The following ITGA8 variants were observed in gnomAD, a reference collection of about 807,000 sequenced individuals.
The protein encoded by ITGA8 is integrin alpha-8.
Under a neutral mutation model 142.3 loss-of-function variants are expected in ITGA8, and 91 were observed. That is an observed-to-expected ratio of 0.64 (90% CI 0.54 to 0.76). The LOEUF (loss-of-function observed/expected upper bound fraction) is 0.76, where lower values mean the gene tolerates loss of function less well. ITGA8 is among the 30% of genes least tolerant of loss of function. The pLI, the probability that ITGA8 is intolerant of heterozygous loss-of-function variation, is 0.00. For synonymous variants in ITGA8, 505 were observed against 485.2 expected (o/e 1.04, Z -0.54); for missense variants, 1,406 against 1,327.7 (o/e 1.06, Z -0.92).
chr10:15,686,940 A>G (rs1439416903), intron 3 of ITGA8, among the ~76,000 whole-genome samples: 1 of 152,184 alleles, frequency 6.6e-6, no homozygotes, highest in Non-Finnish European at 1.5e-5. Context: ...TATCCAAAAG[A>G]TTTTTAAAGC....
intron 8 of ITGA8, among the ~76,000 whole-genome samples, chr10:15,664,369 TC>T (rs934323982): frequency 1.3e-5 from 2 of 152,154 alleles, no homozygotes; most frequent in African/African-American, 4.8e-5. Context: ...AAATGTTCTT[TC>T]AAAGGAAAAA....
intron 2 of ITGA8, among the ~76,000 whole-genome samples, chr10:15,691,774 T>G (rs961453720): frequency 6.6e-6 from 1 of 152,176 alleles, no homozygotes; most frequent in Admixed American, 6.5e-5. Flanking sequence ...TATGGAGATT[T>G]ATTGTACAGA....
intron 2 of ITGA8, among the ~76,000 whole-genome samples, chr10:15,694,188 T>C (rs1453700583): frequency 1.3e-4 from 19 of 141,844 alleles, no homozygotes; most frequent in African/African-American, 4.5e-4. Flanking sequence ...ATATATCATA[T>C]ATATGATAAT....
intron 27 of ITGA8, among the ~76,000 whole-genome samples, chr10:15,537,783 T>C (rs1219872701): frequency 1.3e-5 from 2 of 152,230 alleles, no homozygotes; most frequent in East Asian, 3.9e-4. Context: ...TGTATAGACT[T>C]GGGAATTCGT....
At chr10:15,627,441 T>G (rs1282717105) in intron 13 of ITGA8, among the ~76,000 whole-genome samples, 2 of 152,156 alleles carry the variant, frequency 1.3e-5, no homozygotes, top group Non-Finnish European at 2.9e-5. Flanking sequence ...TCTCGTGAAC[T>G]TCTCTTAGGG....
At chr10:15,627,060 C>A (rs1356493384) in intron 13 of ITGA8, among the ~76,000 whole-genome samples, 1 of 152,108 alleles carries the variant, frequency 6.6e-6, no homozygotes, top group African/African-American at 2.4e-5. Flanking sequence ...CCAGGTCCCA[C>A]CCTAACTGCC....
chr10:15,530,766 T>C (rs1203134309), intron 28 of ITGA8, among the ~76,000 whole-genome samples: 1 of 152,210 alleles, frequency 6.6e-6, no homozygotes, highest in Non-Finnish European at 1.5e-5. Flanking sequence ...GATTTCATTG[T>C]AATGATAACT....
chr10:15,693,651 A>T (rs914010499), intron 2 of ITGA8, among the ~76,000 whole-genome samples: 1 of 152,184 alleles, frequency 6.6e-6, no homozygotes, highest in Admixed American at 6.5e-5. Context: ...GAAGCTGAAG[A>T]TTTCTTGCCA....
chr10:15,709,866 A>G (rs1835332080), intron 2 of ITGA8, among the ~76,000 whole-genome samples: 1 of 152,214 alleles, frequency 6.6e-6, no homozygotes, highest in South Asian at 2.1e-4. Flanking sequence ...TGTTACTGAA[A>G]ATACCCTTGA....
At chr10:15,662,960 A>G (rs1276012811) in intron 8 of ITGA8, among the ~76,000 whole-genome samples, 1 of 152,226 alleles carries the variant, frequency 6.6e-6, no homozygotes, top group African/African-American at 2.4e-5. Flanking sequence ...ATGAACGTGT[A>G]TGAAAATTGG....
chr10:15,681,572 T>C (rs1213646111), intron 4 of ITGA8, among the ~76,000 whole-genome samples: 1 of 152,222 alleles, frequency 6.6e-6, no homozygotes, highest in Non-Finnish European at 1.5e-5. Flanking sequence ...CCTACAAGTC[T>C]GCATTTCATG....
intron 27 of ITGA8, among the ~76,000 whole-genome samples, chr10:15,538,789 TAAA>T (rs994266699): frequency 4.6e-5 from 7 of 152,056 alleles, no homozygotes; most frequent in African/African-American, 1.7e-4. Flanking sequence ...AATTAAATGA[TAAA>T]AAGACTCAGA....
chr10:15,631,179 C>T (rs981273631), intron 13 of ITGA8, among the ~76,000 whole-genome samples: 4 of 151,898 alleles, frequency 2.6e-5, no homozygotes, highest in African/African-American at 4.8e-5. Context: ...GGATCTAGAA[C>T]CAGAAATACC....
In ITGA8 at chr10:15,677,621, A is replaced by G. The variant is rs371014247; in HGVS notation, c.647T>C (p.Val216Ala). 23 of 1,613,584 alleles carry G rather than the reference A, an allele frequency of 1.4e-5. No individual in the cohort carries two copies. The Middle Eastern group carries it at 5.0e-4, about 35-fold the overall frequency. The change falls in exon 6 of 30, where the codon GTG (valine) becomes GCG (alanine). Residue 216 changes from valine to alanine, a missense_variant. Physicochemically the swap from Val to Ala is moderately conservative, Grantham distance 64. Coordinates refer to ENST00000378076, the MANE Select transcript of ITGA8 (RefSeq NM_003638.3). Reference sequence around the variant, plus strand: ...CCAGTAGAAACTCCCAGGTCCTCCCACAATAAGGTCTCCATTCTACAAAAC... The same window carrying G: ...CCAGTAGAAACTCCCAGGTCCTCCCGCAATAAGGTCTCCATTCTACAAAAC... ...LDFYKNGDLIVGGPGSFYWQG... is the reference protein window; with the variant it reads ...LDFYKNGDLIAGGPGSFYWQG...
chr10:15,643,470 G>T (rs1833906754), intron 13 of ITGA8, among the ~76,000 whole-genome samples: 1 of 152,062 alleles, frequency 6.6e-6, no homozygotes, highest in African/African-American at 2.4e-5. Context: ...AGTAGAGACG[G>T]GGTTTTACCA....
chr10:15,707,617 G>C (rs531153652), intron 2 of ITGA8, among the ~76,000 whole-genome samples: 1 of 152,052 alleles, frequency 6.6e-6, no homozygotes, highest in Admixed American at 6.6e-5. Flanking sequence ...GAGGTCAGCA[G>C]TTCGAGAGCA....
intron 23 of ITGA8, among the ~76,000 whole-genome samples, chr10:15,584,732 A>C (rs1414326284): frequency 6.6e-6 from 1 of 152,178 alleles, no homozygotes; most frequent in African/African-American, 2.4e-5. Flanking sequence ...CTGCATTTTC[A>C]TCCAGAGTAG....
At chr10:15,632,018 G>C (rs552916823) in intron 13 of ITGA8, among the ~76,000 whole-genome samples, 1 of 151,968 alleles carries the variant, frequency 6.6e-6, no homozygotes, top group Non-Finnish European at 1.5e-5. Context: ...AGGGAAATTT[G>C]CTGTATTTAC....
chr10:15,514,322 C>T lies in ITGA8; in HGVS notation c.*2836G>A, dbSNP rs1030487747. The T allele has an allele frequency of 7.2e-5, 11 of 152,146 alleles. No homozygotes were observed. The highest frequency in any genetic ancestry group is 2.4e-4 in the African/African-American group (10 of 41,438). 9.4% of individuals were successfully genotyped at this position (152,146 alleles called of 1,614,324 possible). On this transcript the variant is annotated 3_prime_UTR_variant, in exon 30 of 30. Transcript: ENST00000378076. ...TCGTCAGTATGTTCTCTGGGCAGAA[C>T]GGATTGCTGGAAGGTTTGCCTGACC...
Sources: gnomAD v4.1 joint callset for allele counts (sites outside exome capture counted in the v4.1 genomes callset) on GRCh38, gnomAD v4.1.1 for gene constraint, MANE v1.5 for transcripts, NCBI Gene and HGNC (gene_info 2026-07-23, HGNC 2026-07-21) for gene names.